Variants in MMP26 observed in about 807,000 individuals in gnomAD.
MMP26 encodes the protein matrix metalloproteinase-26.
A neutral mutation model predicts 31.0 loss-of-function variants in MMP26; 33 were observed. The ratio of observed to expected loss-of-function variants is 1.06; its 90% confidence interval spans 0.81 to 1.42. MMP26 has a LOEUF of 1.42. MMP26 is among the 40% of genes most tolerant of loss of function. The pLI is 0.00. For missense variants in MMP26, 347 were observed against 316.1 expected, an observed-to-expected ratio of 1.10 and a Z score of -0.74; for synonymous variants, 122 against 114.9, an observed-to-expected ratio of 1.06 and a Z score of -0.40.
At chr11:4,723,022 G>T in intron 1 of MMP26, 2 of 975,122 alleles carry the variant, frequency 2.1e-6, no homozygotes, top group Non-Finnish European at 1.7e-6. Context: ...TGTAGGTGGC[G>T]ATCTCGATAT....
chr11:4,723,873 G>A, intron 1 of MMP26: 2 of 1,247,638 alleles, frequency 1.6e-6, no homozygotes, highest in South Asian at 2.4e-5. Context: ...AGGCAAACTA[G>A]CTGTTGAGGG....
intron 1 of MMP26, among the ~76,000 whole-genome samples, chr11:4,726,289 C>T (rs1054009138): frequency 3.3e-5 from 5 of 152,048 alleles, no homozygotes; most frequent in African/African-American, 1.2e-4. Flanking sequence ...CATGGTGAAA[C>T]TCAGGCTCTA....
chr11:4,803,651 G>T (rs139182026), intron 2 of MMP26: 2 of 1,613,922 alleles, frequency 1.2e-6, no homozygotes, highest in South Asian at 2.2e-5. Flanking sequence ...TGGGAGGAAC[G>T]TGTGCTAAAA....
At chr11:4,887,114 A>G (rs1401588853) in intron 2 of MMP26, among the ~76,000 whole-genome samples, 1 of 151,904 alleles carries the variant, frequency 6.6e-6, no homozygotes, top group Non-Finnish European at 1.5e-5. Flanking sequence ...ATCTTATATG[A>G]TATATATTAG....
intron 2 of MMP26, among the ~76,000 whole-genome samples, chr11:4,874,887 T>C (rs996722327): frequency 6.6e-6 from 1 of 152,106 alleles, no homozygotes; most frequent in Admixed American, 6.6e-5. Flanking sequence ...TACGCCTTAC[T>C]TGGAGTTACA....
At chr11:4,849,345 T>C in intron 2 of MMP26, 1 of 766,572 alleles carries the variant, frequency 1.3e-6, no homozygotes, top group Admixed American at 2.8e-5. Context: ...CACATACACG[T>C]ACACATATAC....
chr11:4,723,622 T>C (rs1318492084), intron 1 of MMP26: 1 of 887,128 alleles, frequency 1.1e-6, no homozygotes, highest in African/African-American at 1.6e-5. Flanking sequence ...ATTCTCCAGC[T>C]CTGCACACTT....
chr11:4,886,375 C>A (rs1054800891), intron 2 of MMP26, among the ~76,000 whole-genome samples: 3 of 151,976 alleles, frequency 2.0e-5, no homozygotes, highest in Admixed American at 6.6e-5. Context: ...AACTTCCTAA[C>A]CCAGAGAAGA....
In MMP26 at chr11:4,954,398, G is replaced by C. The variant is rs1846406402; in HGVS notation, c.-144-33670G>C. On this transcript the variant is annotated intron_variant, in intron 2 of 7. Coordinates refer to ENST00000380390, the MANE Select transcript of MMP26 (RefSeq NM_021801.5). The stretch of plus-strand genomic sequence containing the variant: ...CATGATTAAAATGGATAGAGAGACA[G>C]ATATAATATAAAATTTGGGTCTAGC... Among the ~76,000 whole-genome samples, 2 of 125,316 alleles carry C rather than the reference G, an allele frequency of 1.6e-5. 1 individual carries two copies. The highest frequency in any genetic ancestry group is 3.6e-5 in the Non-Finnish European group (2 of 55,408). 82.2% of individuals were successfully genotyped at this position (125,316 alleles called of 152,430 possible).
intron 1 of MMP26, among the ~76,000 whole-genome samples, chr11:4,745,408 T>G (rs1848366778): frequency 6.6e-6 from 1 of 152,186 alleles, no homozygotes; most frequent in Non-Finnish European, 1.5e-5. Context: ...AACAAAATAT[T>G]CAGATGCTAG....
chr11:4,918,586 G>A (rs949022329), intron 2 of MMP26, among the ~76,000 whole-genome samples: 1 of 152,116 alleles, frequency 6.6e-6, no homozygotes, highest in Non-Finnish European at 1.5e-5. Flanking sequence ...ATTATTCTGA[G>A]TTCCTCTCAT....
intron 2 of MMP26, among the ~76,000 whole-genome samples, chr11:4,863,218 T>A (rs561803786): frequency 1.3e-5 from 2 of 152,302 alleles, no homozygotes; most frequent in East Asian, 3.9e-4. Flanking sequence ...ATCAGTGTTC[T>A]ACTGTCATCT....
At chr11:4,716,899 T>G (rs1847940089) in intron 1 of MMP26, among the ~76,000 whole-genome samples, 1 of 151,924 alleles carries the variant, frequency 6.6e-6, no homozygotes, top group Non-Finnish European at 1.5e-5. Flanking sequence ...CTGACCTCAG[T>G]TGATCACCTG....
chr11:4,914,233 A>G (rs933648744), intron 2 of MMP26: 1 of 158,260 alleles, frequency 6.3e-6, no homozygotes, highest in Non-Finnish European at 1.4e-5. Flanking sequence ...GAACACCTAC[A>G]TGGGCCTTCT....
intron 1 of MMP26, among the ~76,000 whole-genome samples, chr11:4,760,516 T>A (rs781116172): frequency 1.2e-4 from 18 of 152,188 alleles, no homozygotes; most frequent in Non-Finnish European, 1.8e-4. Flanking sequence ...AGAGGATGGA[T>A]ATAATCTCAC....
chr11:4,831,116 A>G (rs1849640446), intron 2 of MMP26, among the ~76,000 whole-genome samples: 1 of 152,046 alleles, frequency 6.6e-6, no homozygotes, highest in East Asian at 1.9e-4. Flanking sequence ...TTCCTTCACT[A>G]CTTTCTATTT....
At chr11:4,854,259 C>T (rs1267575894) in intron 2 of MMP26, among the ~76,000 whole-genome samples, 4 of 152,096 alleles carry the variant, frequency 2.6e-5, no homozygotes, top group African/African-American at 4.8e-5. Flanking sequence ...TGAAACAGGG[C>T]GGGGCATCGC....
intron 2 of MMP26, among the ~76,000 whole-genome samples, chr11:4,808,048 A>G (rs1849301449): frequency 6.6e-6 from 1 of 152,166 alleles, no homozygotes; most frequent in Non-Finnish European, 1.5e-5. Flanking sequence ...TCAAGTGACC[A>G]GCCAGCCTTG....
intron 3 of MMP26, 101 bp downstream of exon 3, chr11:4,988,411 C>T (rs1846938642): frequency 1.2e-6 from 1 of 852,224 alleles, no homozygotes; most frequent in African/African-American, 1.7e-5. Flanking sequence ...ATGATAAATA[C>T]ACACATTAAT....
Sources: allele counts gnomAD v4.1 joint callset (sites outside exome capture counted in the v4.1 genomes callset), GRCh38; gene constraint gnomAD v4.1.1; transcripts MANE v1.5; gene names NCBI Gene and HGNC (gene_info 2026-07-23, HGNC 2026-07-21).